SBF2: variants seen among roughly 807,000 people sequenced by gnomAD.
SBF2 encodes the protein myotubularin-related protein 13.
A neutral mutation model predicts 225.2 loss-of-function variants in SBF2; 112 were observed. The ratio of observed to expected loss-of-function variants is 0.50; its 90% CI spans 0.43 to 0.58. SBF2 has a LOEUF of 0.58. SBF2 is among the 20% of genes least tolerant of loss of function. The pLI, the probability that SBF2 is intolerant of heterozygous loss-of-function variation, is 0.00. For missense variants in SBF2, 1,996 were observed against 2,206.2 expected, an observed-to-expected ratio of 0.90 and a Z score of 1.91; for synonymous variants, 763 against 773.3, an observed-to-expected ratio of 0.99 and a Z score of 0.22.
At chr11:10,273,612 T>C (rs963708178) in intron 1 of SBF2, among the ~76,000 whole-genome samples, 2 of 152,244 alleles carry the variant, frequency 1.3e-5, no homozygotes. Context: ...GGCAAACAGG[T>C]ACAAAAACAA....
chr11:10,229,250 A>T (rs1958718576), intron 1 of SBF2, among the ~76,000 whole-genome samples: 4 of 151,878 alleles, frequency 2.6e-5, no homozygotes, highest in Admixed American at 2.6e-4. Context: ...AATTTTGTTG[A>T]TCTTTTCAAA....
chr11:9,869,637 G>C (rs879272962), intron 17 of SBF2, among the ~76,000 whole-genome samples: 3 of 152,106 alleles, frequency 2.0e-5, no homozygotes, highest in Non-Finnish European at 4.4e-5. Context: ...AAAGACCTTT[G>C]ATAAAATTCA....
intron 2 of SBF2, among the ~76,000 whole-genome samples, chr11:10,049,940 G>A (rs576142797): frequency 6.6e-6 from 1 of 152,264 alleles, no homozygotes; most frequent in African/African-American, 2.4e-5. Flanking sequence ...CTCAGAATCA[G>A]GAAGGAAGTA....
At chr11:9,926,713 CATATT>C (rs1864083873) in intron 16 of SBF2, among the ~76,000 whole-genome samples, 1 of 152,002 alleles carries the variant, frequency 6.6e-6, no homozygotes, top group African/African-American at 2.4e-5. Flanking sequence ...AAAATGAAGA[CATATT>C]ATATAAAAAT....
intron 2 of SBF2, among the ~76,000 whole-genome samples, chr11:10,083,399 G>A (rs562764614): frequency 2.0e-5 from 3 of 152,094 alleles, no homozygotes; most frequent in Non-Finnish European, 2.9e-5. Context: ...AATTCACATG[G>A]AATCAAGGGA....
chr11:9,797,887 G>A (rs550758620), intron 32 of SBF2, among the ~76,000 whole-genome samples: 1 of 152,098 alleles, frequency 6.6e-6, no homozygotes, highest in Non-Finnish European at 1.5e-5. Flanking sequence ...GAGGAGGATC[G>A]CTTGTGTCCA....
chr11:10,024,238 CCACTGGTGGA>C (rs2134608940), intron 6 of SBF2, among the ~76,000 whole-genome samples: 1 of 152,224 alleles, frequency 6.6e-6, no homozygotes, highest in African/African-American at 2.4e-5. Context: ...TTATCCTTTA[CCACTGGTGGA>C]CACTGAGTTT....
At chr11:10,161,523 C>T (rs1955735815) in intron 2 of SBF2, among the ~76,000 whole-genome samples, 1 of 152,198 alleles carries the variant, frequency 6.6e-6, no homozygotes, top group African/African-American at 2.4e-5. Context: ...AGACGGCTGG[C>T]TGTTCACCAG....
intron 32 of SBF2, chr11:9,807,746 G>C: frequency 1.9e-6 from 1 of 532,606 alleles, no homozygotes; most frequent in South Asian, 2.1e-5. Context: ...TTTGAAGATG[G>C]TCATTTAGAG....
chr11:10,288,153 C>T (rs1477771881), intron 1 of SBF2, among the ~76,000 whole-genome samples: 1 of 152,198 alleles, frequency 6.6e-6, no homozygotes, highest in African/African-American at 2.4e-5. Flanking sequence ...CCAGAAGGGC[C>T]ACAGCTCTTA....
At chr11:10,001,076 C>T (rs543797573) in intron 7 of SBF2, 54 bp from the exon 8 acceptor site, 4 of 879,754 alleles carry the variant, frequency 4.5e-6, no homozygotes, top group African/African-American at 1.7e-5. Flanking sequence ...ATAAACATAT[C>T]TTCTTTCATC....
intron 2 of SBF2, among the ~76,000 whole-genome samples, chr11:10,135,659 C>T (rs944542833): frequency 6.6e-6 from 1 of 152,204 alleles, no homozygotes; most frequent in Non-Finnish European, 1.5e-5. Flanking sequence ...TTTGCTAAAA[C>T]ATAATAAGAG....
intron 32 of SBF2, among the ~76,000 whole-genome samples, chr11:9,804,471 T>C (rs1469092212): frequency 2.0e-5 from 3 of 152,244 alleles, no homozygotes; most frequent in Non-Finnish European, 4.4e-5. Flanking sequence ...AAAATAAAAT[T>C]TCCCTACTTT....
intron 13 of SBF2, among the ~76,000 whole-genome samples, chr11:9,988,436 G>T (rs985880486): frequency 6.6e-6 from 1 of 152,132 alleles, no homozygotes; most frequent in African/African-American, 2.4e-5. Flanking sequence ...CTTTTGCACA[G>T]CAAAAGGAAC....
At chr11:10,084,329 T>A (rs1168572411) in intron 2 of SBF2, among the ~76,000 whole-genome samples, 1 of 151,120 alleles carries the variant, frequency 6.6e-6, no homozygotes, top group African/African-American at 2.4e-5. Flanking sequence ...TAGGAAAAAA[T>A]GCTCAAGTTC....
Position 9,781,521 on chromosome 11 carries a change from T to C in SBF2, c.5437A>G (p.Lys1813Glu), listed in dbSNP as rs1590068012. The C allele has an allele frequency of 2.5e-6, 4 of 1,614,218 alleles. No homozygotes were observed. The highest frequency in any genetic ancestry group is 2.2e-5 in the East Asian group (1 of 44,880). ...SMGAPKHTSD[K>E]AFFDLKTSKR... ...GATCAACTTACATCAAAGAAAGCCT[T>C]GTCACTTGTGTGCTTTGGGGCTCCC... The change falls in exon 39 of 40, where the codon AAG becomes GAG. Residue 1813 changes from lysine (K) to glutamate (E), a missense_variant. By Grantham distance (56) the Lys-to-Glu change is moderately conservative (BLOSUM62 1). Coordinates refer to ENST00000256190, the MANE Select transcript of SBF2 (RefSeq NM_030962.4).
At chr11:10,123,658 T>C (rs1035810806) in intron 2 of SBF2, among the ~76,000 whole-genome samples, 1 of 151,906 alleles carries the variant, frequency 6.6e-6, no homozygotes, top group Admixed American at 6.6e-5. Context: ...CTCTCTCCCC[T>C]AGTCTTGACT....
chr11:10,180,389 T>C (rs1317603695), intron 2 of SBF2, among the ~76,000 whole-genome samples: 1 of 152,106 alleles, frequency 6.6e-6, no homozygotes, highest in Non-Finnish European at 1.5e-5. Flanking sequence ...TTTAAGTATA[T>C]CAGGCCACTC....
At chr11:9,970,661 G>T (rs1867273328) in intron 13 of SBF2, among the ~76,000 whole-genome samples, 2 of 152,170 alleles carry the variant, frequency 1.3e-5, no homozygotes, top group Admixed American at 1.3e-4. Flanking sequence ...AAACACATGG[G>T]TTCCAGTTCT....
Sources: gnomAD v4.1 joint callset for allele counts (sites outside exome capture counted in the v4.1 genomes callset) on GRCh38, gnomAD v4.1.1 for gene constraint, MANE v1.5 for transcripts, NCBI Gene and HGNC (gene_info 2026-07-23, HGNC 2026-07-21) for gene names.